DSCAM: variants seen among roughly 807,000 people sequenced by gnomAD.
DSCAM encodes the protein cell adhesion molecule DSCAM.
In DSCAM, 47 loss-of-function variants were observed where a neutral mutation model predicts 217.7. The ratio of observed to expected loss-of-function variants is 0.22; its 90% CI spans 0.17 to 0.28. DSCAM has a LOEUF of 0.28. DSCAM is among the 10% of genes least tolerant of loss of function. DSCAM has a pLI of 1.00. For synonymous variants in DSCAM, 1,056 were observed against 1,015.3 expected (o/e 1.04, Z -0.76); for missense variants, 2,080 against 2,618.3 (o/e 0.79, Z 4.49).
chr21:40,304,024 T>C (rs757362054), intron 9 of DSCAM, among the ~76,000 whole-genome samples: 1 of 152,188 alleles, frequency 6.6e-6, no homozygotes, highest in Non-Finnish European at 1.5e-5. Context: ...TTATTTCTAA[T>C]ACCTTAATCA....
intron 1 of DSCAM, among the ~76,000 whole-genome samples, chr21:40,844,663 T>C (rs1224479247): frequency 6.6e-6 from 1 of 151,500 alleles, no homozygotes; most frequent in African/African-American, 2.5e-5. Flanking sequence ...TGTATTACCA[T>C]ATATAATTAT....
chr21:40,634,458 T>C (rs2089729681), intron 3 of DSCAM, among the ~76,000 whole-genome samples: 1 of 152,158 alleles, frequency 6.6e-6, no homozygotes, highest in Admixed American at 6.6e-5. Context: ...ACGGTTCTGT[T>C]TGCCTACAAC....
At chr21:40,499,405 C>T (rs2076154448) in intron 3 of DSCAM, among the ~76,000 whole-genome samples, 1 of 151,988 alleles carries the variant, frequency 6.6e-6, no homozygotes, top group Admixed American at 6.6e-5. Flanking sequence ...TTAAAGCAAA[C>T]AAAAAAACCA....
intron 11 of DSCAM, among the ~76,000 whole-genome samples, chr21:40,268,205 T>C (rs1569033054): frequency 6.6e-6 from 1 of 152,244 alleles, no homozygotes; most frequent in Admixed American, 6.5e-5. Flanking sequence ...GAATTTGTGC[T>C]GCATGACGGT....
At chr21:40,413,256 C>T (rs1225586125) in intron 3 of DSCAM, among the ~76,000 whole-genome samples, 1 of 152,146 alleles carries the variant, frequency 6.6e-6, no homozygotes, top group Non-Finnish European at 1.5e-5. Flanking sequence ...AAGAAGGGGG[C>T]CACTGTCCTC....
At chr21:40,289,346 G>A (rs2073864006) in intron 10 of DSCAM, among the ~76,000 whole-genome samples, 1 of 152,204 alleles carries the variant, frequency 6.6e-6, no homozygotes, top group Admixed American at 6.5e-5. Context: ...GCATAGGTGG[G>A]TGTGGGTGGC....
Position 40,059,132 on chromosome 21 carries a change from G to A in DSCAM, c.4920-3292C>T, listed in dbSNP as rs1038186311. Among the ~76,000 whole-genome samples the A allele has an allele frequency of 6.6e-5, 10 of 152,146 alleles. 1 individual carries two copies. The highest frequency in any genetic ancestry group is 6.5e-4 in the Admixed American group (10 of 15,296). On this transcript the variant is annotated intron_variant, in intron 28 of 32. Coordinates refer to ENST00000400454, the MANE Select transcript of DSCAM (RefSeq NM_001389.5). ...ATTCCTTAAATGTACAATGACTATT[G>A]GACTATTAGGAGCATAGCTCATTAT...
Position 40,678,752 on chromosome 21 carries a change from A to C in DSCAM, c.508+14058T>G, listed in dbSNP as rs550337823. On this transcript the variant is annotated intron_variant, in intron 3 of 32. Transcript: ENST00000400454. The stretch of plus-strand genomic sequence containing the variant: ...CAAAAGCTATCCATGGCAGGTTGAC[A>C]CTCTGTGCTCACCAAATGTGTATAA... Among the ~76,000 whole-genome samples the C allele has an allele frequency of 3.3e-5, 5 of 152,288 alleles. No homozygotes were observed. In the East Asian group the frequency reaches 5.8e-4, roughly 18 times the overall value.
intron 3 of DSCAM, among the ~76,000 whole-genome samples, chr21:40,570,611 T>A (rs1233134278): frequency 6.6e-6 from 1 of 152,218 alleles, no homozygotes; most frequent in Non-Finnish European, 1.5e-5. Context: ...AGGAACTTTG[T>A]AGCTGCGATG....
intron 1 of DSCAM, among the ~76,000 whole-genome samples, chr21:40,841,375 C>A (rs1341669374): frequency 1.3e-5 from 2 of 152,182 alleles, no homozygotes; most frequent in Non-Finnish European, 2.9e-5. Flanking sequence ...CTTATCTTAA[C>A]CCATAGATTC....
chr21:40,244,203 C>T (rs1427820745), intron 11 of DSCAM, among the ~76,000 whole-genome samples: 5 of 152,180 alleles, frequency 3.3e-5, no homozygotes, highest in Non-Finnish European at 4.4e-5. Flanking sequence ...GTAATCCCAA[C>T]ACTTTGGGAG....
chr21:40,337,067 A>G (rs2205081), intron 8 of DSCAM, among the ~76,000 whole-genome samples: 70,611 of 152,040 alleles, frequency 0.46, 16,917 homozygotes, highest in South Asian at 0.65. Context: ...AATGCAATAT[A>G]TATGCCCCGT....
intron 3 of DSCAM, among the ~76,000 whole-genome samples, chr21:40,483,687 C>G (rs2076001817): frequency 6.6e-6 from 1 of 152,092 alleles, no homozygotes; most frequent in South Asian, 2.1e-4. Context: ...TATGAATACC[C>G]ATTAATAAAC....
At chr21:40,145,138 C>T (rs981556285) in intron 16 of DSCAM, among the ~76,000 whole-genome samples, 9 of 152,180 alleles carry the variant, frequency 5.9e-5, no homozygotes, top group South Asian at 4.1e-4. Context: ...TCTCCAGGTA[C>T]GCTTACGACC....
chr21:40,375,166 A>T (rs2074937650), intron 3 of DSCAM, among the ~76,000 whole-genome samples: 1 of 152,130 alleles, frequency 6.6e-6, no homozygotes, highest in Non-Finnish European at 1.5e-5. Context: ...CTACCTCCAA[A>T]ATATATCCTG....
intron 3 of DSCAM, among the ~76,000 whole-genome samples, chr21:40,459,299 T>C (rs965336361): frequency 5.9e-5 from 9 of 152,266 alleles, no homozygotes; most frequent in Non-Finnish European, 1.0e-4. Context: ...AATTAAATGC[T>C]AGAACATACC....
At chr21:40,670,550 AGT>A (rs2090261736) in intron 3 of DSCAM, among the ~76,000 whole-genome samples, 2 of 151,420 alleles carry the variant, frequency 1.3e-5, no homozygotes, top group Non-Finnish European at 2.9e-5. Flanking sequence ...AAAAAAAAAA[AGT>A]GACTACTTTA....
At chr21:40,550,076 T>C (rs1376033855) in intron 3 of DSCAM, among the ~76,000 whole-genome samples, 2 of 152,162 alleles carry the variant, frequency 1.3e-5, no homozygotes, top group African/African-American at 4.8e-5. Context: ...GTCCTACCTA[T>C]AGGAAATGTC....
intron 11 of DSCAM, among the ~76,000 whole-genome samples, chr21:40,233,473 G>T (rs1426008754): frequency 2.6e-5 from 4 of 152,104 alleles, no homozygotes; most frequent in Admixed American, 1.3e-4. Flanking sequence ...TACTGACCAT[G>T]CTTCAATATG....
Sources: gnomAD v4.1 joint callset for allele counts (sites outside exome capture counted in the v4.1 genomes callset) on GRCh38, gnomAD v4.1.1 for gene constraint, MANE v1.5 for transcripts, NCBI Gene and HGNC (gene_info 2026-07-23, HGNC 2026-07-21) for gene names.